Variants in CCDC7 observed in about 807,000 individuals in gnomAD.
The protein encoded by CCDC7 is coiled-coil domain containing 7, also known as coiled-coil domain-containing protein 7.
CCDC7 carries 183 observed loss-of-function variants against 196.9 expected under a neutral mutation model. The observed-to-expected ratio is 0.93, with a 90% CI of 0.82 to 1.05. The LOEUF is 1.05. CCDC7 is among the 50% of genes least tolerant of loss of function. The pLI is 0.00. For missense variants in CCDC7, 1,540 were observed against 1,482.2 expected, an observed-to-expected ratio of 1.04 and a Z score of -0.64; for synonymous variants, 525 against 484.6, an observed-to-expected ratio of 1.08 and a Z score of -1.10.
At chr10:32,850,406 G>A (rs553755032) in intron 39 of CCDC7, among the ~76,000 whole-genome samples, 20 of 152,078 alleles carry the variant, frequency 1.3e-4, no homozygotes, top group African/African-American at 4.3e-4. Context: ...AGCAGCATGC[G>A]GGCAAGCCTC....
intron 20 of CCDC7, among the ~76,000 whole-genome samples, chr10:32,642,268 G>C (rs1332315391): frequency 6.6e-6 from 1 of 152,210 alleles, no homozygotes; most frequent in Non-Finnish European, 1.5e-5. Context: ...CAGAGGCAGT[G>C]AGACCTCCTT....
At chr10:32,517,731 C>A (rs1446244752) in intron 9 of CCDC7, among the ~76,000 whole-genome samples, 2 of 150,248 alleles carry the variant, frequency 1.3e-5, no homozygotes, top group Non-Finnish European at 1.5e-5. Flanking sequence ...TGTAACAAAC[C>A]TGCACGTTGT....
intron 18 of CCDC7, among the ~76,000 whole-genome samples, chr10:32,605,421 G>A (rs2138515927): frequency 6.6e-6 from 1 of 152,326 alleles, no homozygotes; most frequent in South Asian, 2.1e-4. Flanking sequence ...ACAGGCAGAG[G>A]TTGGAAAAAT....
intron 28 of CCDC7, among the ~76,000 whole-genome samples, chr10:32,750,056 C>T (rs1480639928): frequency 6.6e-6 from 1 of 152,102 alleles, no homozygotes; most frequent in African/African-American, 2.4e-5. Flanking sequence ...AAGAAAATGA[C>T]AAATTCATGT....
intron 16 of CCDC7, among the ~76,000 whole-genome samples, chr10:32,572,313 ATAAT>A (rs1590047062): frequency 6.6e-6 from 1 of 152,150 alleles, no homozygotes; most frequent in Non-Finnish European, 1.5e-5. Flanking sequence ...ATACACATAA[ATAAT>A]TGAGTTGATT....
At chr10:32,822,286 A>C (rs1478309127) in intron 31 of CCDC7, among the ~76,000 whole-genome samples, 7 of 152,208 alleles carry the variant, frequency 4.6e-5, no homozygotes, top group African/African-American at 1.4e-4. Context: ...CAACTGTATA[A>C]AAAATTTATA....
upstream of CCDC7, among the ~76,000 whole-genome samples, chr10:32,449,251 A>G (rs1237192217): frequency 6.6e-6 from 1 of 152,032 alleles, no homozygotes; most frequent in Non-Finnish European, 1.5e-5. Context: ...GCAGTGGTGC[A>G]GTCTCTGCTC....
intron 29 of CCDC7, among the ~76,000 whole-genome samples, chr10:32,801,295 G>A (rs982730785): frequency 1.3e-5 from 2 of 152,112 alleles, no homozygotes; most frequent in African/African-American, 4.8e-5. Flanking sequence ...CTAAGACTTT[G>A]GATCTTTTTC....
intron 41 of CCDC7, among the ~76,000 whole-genome samples, chr10:32,858,197 A>G (rs1281432207): frequency 6.6e-6 from 1 of 152,214 alleles, no homozygotes; most frequent in African/African-American, 2.4e-5. Flanking sequence ...ACACCTTCAC[A>G]TTTGAATACT....
chr10:32,627,887 C>T (rs767152939), intron 18 of CCDC7, among the ~76,000 whole-genome samples: 25 of 151,544 alleles, frequency 1.6e-4, no homozygotes, highest in Non-Finnish European at 2.5e-4. Flanking sequence ...TAGGTGATAC[C>T]GTTAATGTGT....
At chr10:32,724,435 A>C (rs2082836099) in intron 25 of CCDC7, among the ~76,000 whole-genome samples, 1 of 152,114 alleles carries the variant, frequency 6.6e-6, no homozygotes, top group South Asian at 2.1e-4. Context: ...AGGAATAATT[A>C]AGCCTTTTTT....
intron 28 of CCDC7, among the ~76,000 whole-genome samples, chr10:32,778,127 T>C (rs1254918182): frequency 2.0e-5 from 3 of 152,250 alleles, no homozygotes; most frequent in Non-Finnish European, 4.4e-5. Flanking sequence ...TCTCTTATTC[T>C]ATAGGTTGTC....
chr10:32,449,236 G>A (rs1472102192), upstream of CCDC7, among the ~76,000 whole-genome samples: 1 of 152,026 alleles, frequency 6.6e-6, no homozygotes. Flanking sequence ...CCCCCAGGCT[G>A]GAGTGCAGTG....
At position 32,453,446 on chromosome 10, in the gene CCDC7, T is replaced by A. The variant is rs1022585094; in HGVS notation, c.372+10T>A. 1.3e-6 allele frequency: 2 copies of A among 1,500,840 alleles called. No homozygotes were observed. The highest frequency in any genetic ancestry group is 2.8e-5 in the African/African-American group (2 of 70,294). 93.0% of individuals were successfully genotyped at this position (1,500,840 alleles called of 1,614,324 possible). Reference sequence around the variant, plus strand: ...AGAATTATCTTTATCTGTAAGTATATGCAACCCTAATATAGAGACATTAAC... The same window carrying A: ...AGAATTATCTTTATCTGTAAGTATAAGCAACCCTAATATAGAGACATTAAC... On this transcript the variant is annotated intron_variant, in intron 2 of 41. Coordinates refer to ENST00000639629, the Ensembl canonical transcript of CCDC7.
At chr10:32,730,494 A>C (rs908167997) in intron 28 of CCDC7, among the ~76,000 whole-genome samples, 2 of 152,016 alleles carry the variant, frequency 1.3e-5, no homozygotes, top group African/African-American at 2.4e-5. Context: ...ATAAGAAAAA[A>C]TAAGGAAAAA....
At chr10:32,741,407 A>G (rs2085816372) in intron 28 of CCDC7, among the ~76,000 whole-genome samples, 1 of 152,190 alleles carries the variant, frequency 6.6e-6, no homozygotes, top group Non-Finnish European at 1.5e-5. Flanking sequence ...GTCTGTATAC[A>G]GTCATTCCTT....
chr10:32,491,993 G>C lies in CCDC7; in HGVS notation c.868G>C (p.Glu290Gln), dbSNP rs181998428. 62 of 1,562,830 alleles carry C rather than the reference G, an allele frequency of 4.0e-5. No individual in the cohort carries two copies. The Middle Eastern group carries it at 1.8e-3, about 44-fold the overall frequency. The change falls in exon 9 of 42, where the codon GAG becomes CAG. Residue 290 changes from glutamate (E) to glutamine (Q), a missense_variant. Transcript: ENST00000639629. ...ATTTGAAAACCAGGCAAATATGTTG[G>C]AGAGGTAAGCTTTTTTGTTTTTGCA...
At position 32,784,018 on chromosome 10, in the gene CCDC7, T is replaced by C. The variant is rs558952762; in HGVS notation, c.3013+4934T>C. 3.9e-5 allele frequency among the ~76,000 whole-genome samples: 6 copies of C among 152,128 alleles called. No individual in the cohort carries two copies. The East Asian group carries it at 9.7e-4, about 24-fold the overall frequency. On this transcript the variant is annotated intron_variant, in intron 29 of 41. Coordinates refer to ENST00000639629, the Ensembl canonical transcript of CCDC7. ...TAATAGGGAGTTATTGCTTAATGGG[T>C]AGAGTTTGAGTTTAGAAAGGTGAAG... is the stretch of plus-strand genomic sequence containing the variant.
Position 32,871,950 on chromosome 10 carries a change from A to C in CCDC7, c.4112-4397A>C, listed in dbSNP as rs1003954478. On this transcript the variant is annotated intron_variant, in intron 41 of 41. Transcript: ENST00000639629. ...TAATCCTGAGTTCTAGTTTGATTGC[A>C]CTGTGGTCTGAGAGACAGTTTGTTA... is the stretch of plus-strand genomic sequence containing the variant. 2.6e-5 allele frequency among the ~76,000 whole-genome samples: 4 copies of C among 152,150 alleles called. No individual in the cohort carries two copies. In the East Asian group the frequency reaches 7.7e-4, roughly 29 times the overall value.
Sources: gnomAD v4.1 joint callset for allele counts (sites outside exome capture counted in the v4.1 genomes callset) on GRCh38, gnomAD v4.1.1 for gene constraint, MANE v1.5 for transcripts, NCBI Gene and HGNC (gene_info 2026-07-23, HGNC 2026-07-21) for gene names.